The following CHD2 variants were observed in gnomAD, a reference collection of about 807,000 sequenced individuals.
The protein encoded by CHD2 is ATP-dependent chromatin remodeler CHD2.
CHD2 carries 28 observed loss-of-function variants against 243.9 expected under a neutral mutation model. The ratio of observed to expected loss-of-function variants is 0.11; its 90% confidence interval spans 0.09 to 0.16. The LOEUF (loss-of-function observed/expected upper bound fraction) is 0.16, where lower values mean the gene tolerates loss of function less well. Among genes scored for constraint, CHD2 ranks in the 10% least tolerant of loss-of-function variants. The probability of loss-of-function intolerance (pLI) is 1.00; values close to 1 mark genes in which losing one functional copy is unlikely to be tolerated. For missense variants in CHD2, 1,386 were observed against 2,209.8 expected (o/e 0.63, Z 7.47); for synonymous variants, 775 against 779.0 (o/e 0.99, Z 0.09).
intron 2 of CHD2, among the ~76,000 whole-genome samples, chr15:92,922,705 C>A (rs1567126091): frequency 6.6e-6 from 1 of 152,144 alleles, no homozygotes; most frequent in Admixed American, 6.5e-5. Flanking sequence ...TCCTTGCCCC[C>A]CTCAGAGCAA....
At position 93,014,848 on chromosome 15, in the gene CHD2, G is replaced by A. The variant is rs1427359303; in HGVS notation, c.4845G>A (p.Gln1615=). 1.2e-6 allele frequency: 2 copies of A among 1,614,144 alleles called. No homozygotes were observed. The highest frequency in any genetic ancestry group is 2.7e-5 in the African/African-American group (2 of 75,028). ...KPHLPASHGP[Q]MHGHPRDNYN... is the part of the protein sequence containing the mutation. ...ATTTGCCTGCCTCCCATGGCCCACA[G>A]ATGCATGGACACCCAAGAGATAACT... Residue 1615 remains glutamine, a synonymous_variant, in exon 37 of 39, where the codon CAG becomes CAA. Coordinates refer to ENST00000394196, the MANE Select transcript of CHD2 (RefSeq NM_001271.4).
At position 92,901,204 on chromosome 15, in the gene CHD2, T is replaced by A. The variant is rs774199239; in HGVS notation, c.-34T>A. ...CACAGGACTTCAAAGCAAACACAGA[T>A]TCCCCCTCCCCCTTAATATTTAAGA... is the stretch of plus-strand genomic sequence containing the variant. On this transcript the variant is annotated 5_prime_UTR_variant, in exon 2 of 39. Coordinates refer to ENST00000394196, the MANE Select transcript of CHD2 (RefSeq NM_001271.4). 3.7e-6 allele frequency: 5 copies of A among 1,341,252 alleles called. No individual in the cohort carries two copies. The highest frequency in any genetic ancestry group is 4.3e-6 in the Non-Finnish European group (4 of 936,856). 83.1% of individuals were successfully genotyped at this position (1,341,252 alleles called of 1,614,324 possible). A position where few individuals can be genotyped will look rare whatever the true frequency, so the allele number is the denominator to read the frequency against.
intron 5 of CHD2, among the ~76,000 whole-genome samples, chr15:92,929,906 C>A (rs1191431819): frequency 6.6e-6 from 1 of 151,598 alleles, no homozygotes; most frequent in African/African-American, 2.4e-5. Context: ...ATTTTAAAAC[C>A]CATTTCCTCA....
At chr15:92,904,381 G>A (rs950925779) in intron 2 of CHD2, 3 of 929,814 alleles carry the variant, frequency 3.2e-6, no homozygotes, top group African/African-American at 1.8e-5. Context: ...CCTCCGCCCC[G>A]TGACGTCAGA....
intron 2 of CHD2, among the ~76,000 whole-genome samples, chr15:92,906,314 C>T (rs1244770814): frequency 3.3e-5 from 5 of 151,980 alleles, no homozygotes; most frequent in African/African-American, 9.7e-5. Flanking sequence ...AGTATTTGGC[C>T]GTTAGGGAGT....
At chr15:92,912,834 G>C (rs897231864) in intron 2 of CHD2, among the ~76,000 whole-genome samples, 2 of 152,248 alleles carry the variant, frequency 1.3e-5, no homozygotes, top group Admixed American at 6.5e-5. Context: ...ACAGGCGTGA[G>C]CCACTGCGCC....
intron 6 of CHD2, 143 bp from the exon 7 acceptor site, chr15:92,939,435 C>A: frequency 1.2e-6 from 1 of 859,520 alleles, no homozygotes; most frequent in Non-Finnish European, 1.7e-6. Flanking sequence ...GGAGTAGGGC[C>A]CAAGAATATG....
At chr15:92,940,958 TATATAAATATAAATATAA>T (rs201999332) in intron 7 of CHD2, among the ~76,000 whole-genome samples, 2 of 128,726 alleles carry the variant, frequency 1.6e-5, no homozygotes, top group East Asian at 2.1e-4. Flanking sequence ...AATATAAATA[TATATAAATATAAATATAA>T]ATATAAATAT....
In CHD2 at chr15:93,020,011, G is replaced by A; in HGVS notation, c.4907-1G>A. On this transcript the variant is annotated splice_acceptor_variant, in intron 37 of 38. Coordinates refer to ENST00000394196, the MANE Select transcript of CHD2 (RefSeq NM_001271.4). LOFTEE classifies it high-confidence loss of function. ...TCAGATCATTCTTTCTTTTCCTGCA[G>A]ATCGAGGAGACTGGCAGAGGGAAAG... 6.2e-7 allele frequency: 1 copy of A among 1,608,762 alleles called. No homozygotes were observed. The highest frequency in any genetic ancestry group is 8.5e-7 in the Non-Finnish European group (1 of 1,175,534).
intron 28 of CHD2, 91 bp downstream of exon 28, chr15:92,993,089 G>A (rs2054141584): frequency 7.4e-7 from 1 of 1,356,694 alleles, no homozygotes; most frequent in African/African-American, 1.4e-5. Context: ...ACAGGCTTGA[G>A]GACCACACAT....
At chr15:93,013,928 C>CAAAAAAAAAAAAAAAA (rs35774813) in intron 36 of CHD2, among the ~76,000 whole-genome samples, 11 of 64,154 alleles carry the variant, frequency 1.7e-4, no homozygotes, top group East Asian at 5.4e-4. Context: ...GACTCTGTCT[C>CAAAAAAAAAAAAAAAA]AAAAAAAAAA....
In CHD2 at chr15:92,997,654, G is replaced by T; in HGVS notation, c.3885+251G>T. 3.3e-6 allele frequency: 1 copy of T among 300,760 alleles called. No individual in the cohort carries two copies. The highest frequency in any genetic ancestry group is 6.4e-5 in the East Asian group (1 of 15,596). 18.6% of individuals were successfully genotyped at this position (300,760 alleles called of 1,614,324 possible). On this transcript the variant is annotated intron_variant, in intron 30 of 38. Transcript: ENST00000394196. The surrounding 1 kb of genome is among the most constrained non-coding windows in gnomAD (Gnocchi z 4.1). ...CTTAAAATTCTGGTATTTAATTATA[G>T]GTCAGATTTCATTACAATAAATACC... is the stretch of plus-strand genomic sequence containing the variant.
At chr15:93,021,180 G>C (rs1362627351) in intron 38 of CHD2, 1 of 152,148 alleles carries the variant, frequency 6.6e-6, no homozygotes, top group Non-Finnish European at 1.5e-5. Context: ...TTTTTGCTGA[G>C]TGTATACATT....
chr15:92,989,936 T>C (rs2054095090), intron 26 of CHD2, among the ~76,000 whole-genome samples: 1 of 152,214 alleles, frequency 6.6e-6, no homozygotes, highest in Non-Finnish European at 1.5e-5. Context: ...TGTCAGAGCT[T>C]TTCAGAGTAT....
At chr15:92,972,157 G>A in intron 18 of CHD2, 108 bp from the exon 19 acceptor site, 1 of 1,258,310 alleles carries the variant, frequency 7.9e-7, no homozygotes, top group Non-Finnish European at 1.1e-6. Flanking sequence ...GGTTGCTAAG[G>A]GCTTCAGAAA....
intron 2 of CHD2, chr15:92,905,016 T>C (rs2052593212): frequency 6.5e-7 from 1 of 1,534,500 alleles, no homozygotes; most frequent in African/African-American, 1.4e-5. Flanking sequence ...CAGGTCAGTA[T>C]GTGCTAAGTA....
At chr15:92,943,195 G>T in intron 9 of CHD2, 127 bp downstream of exon 9, 1 of 690,430 alleles carries the variant, frequency 1.4e-6, no homozygotes, top group Non-Finnish European at 2.4e-6. Context: ...TAAACATGGA[G>T]CCATTTACAA....
At chr15:93,006,430 T>C (rs867248571) in intron 34 of CHD2, among the ~76,000 whole-genome samples, 7 of 152,196 alleles carry the variant, frequency 4.6e-5, no homozygotes, top group Middle Eastern at 3.4e-3. Flanking sequence ...CGGCCTTTTC[T>C]CTCTCTCTTA....
At chr15:92,951,420 C>T (rs925853264) in intron 13 of CHD2, among the ~76,000 whole-genome samples, 15 of 152,136 alleles carry the variant, frequency 9.9e-5, no homozygotes, top group African/African-American at 3.6e-4. Context: ...ATCTGCCTGC[C>T]TTGGCCTCCC....
Sources: allele counts gnomAD v4.1 joint callset (sites outside exome capture counted in the v4.1 genomes callset), GRCh38; gene constraint gnomAD v4.1.1; non-coding constraint Gnocchi (gnomAD v3.1); transcripts MANE v1.5; gene names NCBI Gene and HGNC (gene_info 2026-07-23, HGNC 2026-07-21).